The following SUSD4 variants were observed in gnomAD, a reference collection of about 807,000 sequenced individuals.
The protein encoded by SUSD4 is sushi domain-containing protein 4.
A neutral mutation model predicts 50.5 loss-of-function variants in SUSD4; 41 were observed. The observed-to-expected ratio is 0.81, with a 90% confidence interval of 0.63 to 1.05. The LOEUF is 1.05. Among genes scored for constraint, SUSD4 ranks in the 50% least tolerant of loss-of-function variants. SUSD4 has a pLI of 0.00. For missense variants in SUSD4, 580 were observed against 634.7 expected (o/e 0.91, Z 0.93); for synonymous variants, 257 against 257.3 (o/e 1.00, Z 0.01).
chr1:223,285,364 C>T (rs1234224346), intron 3 of SUSD4, among the ~76,000 whole-genome samples: 2 of 152,160 alleles, frequency 1.3e-5, no homozygotes, highest in African/African-American at 4.8e-5. Flanking sequence ...TCTCCTTCAA[C>T]TGCTGCCTCT....
chr1:223,321,695 CA>C (rs1203246901), intron 2 of SUSD4, among the ~76,000 whole-genome samples: 2 of 152,172 alleles, frequency 1.3e-5, no homozygotes, highest in Non-Finnish European at 2.9e-5. Flanking sequence ...ATGCCTTTGG[CA>C]ATCTGGTGAA....
At chr1:223,285,358 C>T (rs1356784688) in intron 3 of SUSD4, among the ~76,000 whole-genome samples, 1 of 152,116 alleles carries the variant, frequency 6.6e-6, no homozygotes, top group African/African-American at 2.4e-5. Context: ...CCTCCTTCTC[C>T]TTCAACTGCT....
At chr1:223,323,308 A>C (rs1666690283) in intron 2 of SUSD4, among the ~76,000 whole-genome samples, 1 of 152,216 alleles carries the variant, frequency 6.6e-6, no homozygotes, top group South Asian at 2.1e-4. Flanking sequence ...TGAAGAAGCT[A>C]AAAGCTGTTT....
chr1:223,296,226 T>C (rs1006791613), intron 2 of SUSD4, among the ~76,000 whole-genome samples: 44 of 151,764 alleles, frequency 2.9e-4, no homozygotes, highest in Admixed American at 1.8e-3. Context: ...GGACACAGAG[T>C]CACAAAACCT....
At chr1:223,243,080 G>A (rs1487289125) in intron 5 of SUSD4, among the ~76,000 whole-genome samples, 1 of 152,112 alleles carries the variant, frequency 6.6e-6, no homozygotes, top group South Asian at 2.1e-4. Flanking sequence ...TCCCCATGAT[G>A]GGCAGCCGGG....
chr1:223,304,245 C>T (rs1432978760), intron 2 of SUSD4, among the ~76,000 whole-genome samples: 3 of 152,190 alleles, frequency 2.0e-5, no homozygotes, highest in African/African-American at 7.2e-5. Flanking sequence ...ACTTCAGGTC[C>T]GTTCACAGGC....
chr1:223,228,883 G>T (rs1412446935), intron 6 of SUSD4, among the ~76,000 whole-genome samples: 1 of 151,682 alleles, frequency 6.6e-6, no homozygotes. Context: ...ACCCTGTTTA[G>T]ATGGTCAGCT....
At chr1:223,311,767 G>A (rs576882324) in intron 2 of SUSD4, among the ~76,000 whole-genome samples, 5 of 152,140 alleles carry the variant, frequency 3.3e-5, no homozygotes, top group African/African-American at 4.8e-5. Flanking sequence ...CTCTAGTGTC[G>A]AAATGCAGAC....
intron 2 of SUSD4, among the ~76,000 whole-genome samples, chr1:223,341,077 G>T (rs1315335411): frequency 1.3e-5 from 2 of 152,186 alleles, no homozygotes; most frequent in African/African-American, 4.8e-5. Flanking sequence ...TAATAATCTG[G>T]TGTTCTTTGG....
At chr1:223,238,338 A>G (rs918560188) in intron 5 of SUSD4, among the ~76,000 whole-genome samples, 1 of 151,838 alleles carries the variant, frequency 6.6e-6, no homozygotes, top group South Asian at 2.1e-4. Flanking sequence ...CCTATTTTCA[A>G]CTTCATTGAT....
At position 223,227,808 on chromosome 1, in the gene SUSD4, C is replaced by T; in HGVS notation, c.917-70G>A. ...GAGAGGTGCCGAGGTTCCCCGTGGG[C>T]TCATTTGCTGGATTCATCTGGCACA... is the stretch of plus-strand genomic sequence containing the variant. On this transcript the variant is annotated intron_variant, in intron 6 of 8. Coordinates refer to ENST00000366878, the MANE Select transcript of SUSD4 (RefSeq NM_017982.4). The surrounding 1 kb of genome is among the most constrained non-coding windows in gnomAD (Gnocchi z 4.5). 1 of 1,517,066 alleles carries T rather than the reference C, an allele frequency of 6.6e-7. No homozygotes were observed. The highest frequency in any genetic ancestry group is 8.9e-7 in the Non-Finnish European group (1 of 1,122,984). 94.0% of individuals were successfully genotyped at this position (1,517,066 alleles called of 1,614,324 possible).
chr1:223,283,389 AAAAC>A (rs1441757154), intron 3 of SUSD4, among the ~76,000 whole-genome samples: 8 of 152,240 alleles, frequency 5.3e-5, no homozygotes, highest in East Asian at 1.9e-4. Context: ...TTACAAGAAA[AAAAC>A]AAACAACCTC....
chr1:223,254,128 C>T (rs893352687), intron 5 of SUSD4, among the ~76,000 whole-genome samples: 1 of 152,216 alleles, frequency 6.6e-6, no homozygotes. Flanking sequence ...GGACAGGCGA[C>T]CTGCCCAGGT....
At chr1:223,348,477 T>C (rs1279510260) in intron 2 of SUSD4, among the ~76,000 whole-genome samples, 1 of 152,214 alleles carries the variant, frequency 6.6e-6, no homozygotes, top group Non-Finnish European at 1.5e-5. Context: ...TATTTATTCT[T>C]ATGCCATGTA....
intron 2 of SUSD4, among the ~76,000 whole-genome samples, chr1:223,358,572 C>A (rs558034594): frequency 1.3e-5 from 2 of 152,164 alleles, no homozygotes; most frequent in African/African-American, 2.4e-5. Context: ...CTTTTATTCA[C>A]GTATCTAATC....
intron 3 of SUSD4, among the ~76,000 whole-genome samples, chr1:223,277,192 A>C (rs2103104614): frequency 6.6e-6 from 1 of 152,364 alleles, no homozygotes; most frequent in Non-Finnish European, 1.5e-5. Flanking sequence ...AGGAAGCTCA[A>C]AGAACCTTCT....
intron 2 of SUSD4, 135 bp downstream of exon 2, chr1:223,363,143 G>T: frequency 9.0e-7 from 1 of 1,108,888 alleles, no homozygotes; most frequent in Non-Finnish European, 1.2e-6. Flanking sequence ...AGGCTGGGAC[G>T]CAGGCACCCT....
At chr1:223,343,749 T>A (rs2103307101) in intron 2 of SUSD4, among the ~76,000 whole-genome samples, 1 of 152,350 alleles carries the variant, frequency 6.6e-6, no homozygotes, top group South Asian at 2.1e-4. Context: ...TATATATAGC[T>A]GCTTTTAATA....
chr1:223,290,216 G>T (rs1391285274), intron 3 of SUSD4, among the ~76,000 whole-genome samples: 4 of 152,172 alleles, frequency 2.6e-5, no homozygotes, highest in African/African-American at 9.7e-5. Flanking sequence ...ATCCTAATCA[G>T]GGAGCATGGC....
Sources: allele counts gnomAD v4.1 joint callset (sites outside exome capture counted in the v4.1 genomes callset), GRCh38; gene constraint gnomAD v4.1.1; non-coding constraint Gnocchi (gnomAD v3.1); transcripts MANE v1.5; gene names NCBI Gene and HGNC (gene_info 2026-07-23, HGNC 2026-07-21).